Variants in FOXD1 observed in about 807,000 individuals in gnomAD.
The protein encoded by FOXD1 is forkhead box protein D1.
FOXD1 carries 4 observed loss-of-function variants against 2.0 expected under a neutral mutation model. That is an observed-to-expected ratio of 2.03 (90% CI 1.00 to 4.64). The LOEUF (loss-of-function observed/expected upper bound fraction) is 4.64. Ranked by LOEUF, FOXD1 falls within the 30% of genes most tolerant of loss-of-function variation. The pLI, the probability that FOXD1 is intolerant of heterozygous loss-of-function variation, is 0.01. For synonymous variants in FOXD1, 354 were observed against 328.5 expected (o/e 1.08, Z -0.84); for missense variants, 586 against 647.6 (o/e 0.90, Z 1.03).
Position 73,448,168 on chromosome 5 carries a change from C to G in FOXD1, c.195G>C (p.Leu65=). The G allele has an allele frequency of 6.9e-7, 1 of 1,439,930 alleles. No individual in the cohort carries two copies. Among genetic ancestry groups the G allele is most frequent in the South Asian group, 1.3e-5 (1 of 74,370 alleles). 89.2% of individuals were successfully genotyped at this position (1,439,930 alleles called of 1,614,324 possible). ...CGTCCTCCTCCTCCTCCAGATCCTC[C>G]AGCTCGTCCTCCCCGGCGTACGAGC... ...RRRSYAGEDE[L]EDLEEEEDDD... is the part of the protein sequence containing the mutation. The change falls in exon 1 of 1, where the codon CTG becomes CTC. Residue 65 remains leucine (L), a synonymous_variant. Coordinates refer to ENST00000615637, the MANE Select transcript of FOXD1 (RefSeq NM_004472.3).
Position 73,447,583 on chromosome 5 carries a change from G to C in FOXD1, c.780C>G (p.Pro260=), listed in dbSNP as rs577229690. 46 of 1,131,866 alleles carry C rather than the reference G, an allele frequency of 4.1e-5. 1 individual carries two copies. The Admixed American group carries it at 8.5e-4, about 21-fold the overall frequency. 70.1% of individuals were successfully genotyped at this position (1,131,866 alleles called of 1,614,324 possible). A position where few individuals can be genotyped will look rare whatever the true frequency, so the allele number is the denominator to read the frequency against. ...AGGCATGCGGGGGCGGCGGGGGCGCGGGCGGGAAGAGCGCGGCGGCGGCTG... is the reference window on the plus strand; with the variant it reads ...AGGCATGCGGGGGCGGCGGGGGCGCCGGCGGGAAGAGCGCGGCGGCGGCTG... ...DPAAAAALFP[P]APPPPPHAYG... The change falls in exon 1 of 1, where the codon CCC becomes CCG. Residue 260 remains proline (P), a synonymous_variant. Transcript: ENST00000615637. This position sits in a 1 kb window ranked among gnomAD's most constrained non-coding sequence, Gnocchi z 7.8.
rs780753922 is a variant in FOXD1, at chr5:73,448,031, C to A, written c.332G>T (p.Gly111Val). ...GGCGCCGCTACCCGCGCTCCCGCCGCCGCCCGCGCCGCCGCCGCCGCCGCC... is the reference window on the plus strand; with the variant it reads ...GGCGCCGCTACCCGCGCTCCCGCCGACGCCCGCGCCGCCGCCGCCGCCGCC... ...GGGGGGGGAG[G>V]GGSAGSGAKN... is the part of the protein sequence containing the mutation. The change falls in exon 1 of 1, where the codon GGC (glycine) becomes GTC (valine). Residue 111 changes from glycine (G) to valine (V), a missense_variant. Around this residue, in one of 4 missense-constraint regions of FOXD1, gnomAD observed 104 missense variants for 175.4 expected, o/e 0.59. Coordinates refer to ENST00000615637, the MANE Select transcript of FOXD1 (RefSeq NM_004472.3). 3.1e-6 allele frequency: 4 copies of A among 1,304,556 alleles called. No individual in the cohort carries two copies. The South Asian group carries it at 6.8e-5, about 22-fold the overall frequency. The allele number at this position is 1,304,556 out of a possible 1,614,324, so 80.8% of individuals were successfully genotyped here.
rs1745506903 is a variant in FOXD1 at position 73,446,876 on chromosome 5, T to C, written c.*89A>G. 11 of 1,179,284 alleles carry C rather than the reference T, an allele frequency of 9.3e-6. No individual in the cohort carries two copies. The South Asian group carries it at 1.4e-4, about 15-fold the overall frequency. The allele number at this position is 1,179,284 out of a possible 1,614,324, so 73.1% of individuals were successfully genotyped here. A position where few individuals can be genotyped will look rare whatever the true frequency, so the allele number is the denominator to read the frequency against. On this transcript the variant is annotated 3_prime_UTR_variant, in exon 1 of 1. Coordinates refer to ENST00000615637, the MANE Select transcript of FOXD1 (RefSeq NM_004472.3). Reference sequence around the variant, plus strand: ...GCGCGAGGTCGAGAGGGGCCGCGCCTGGAGGAGCGAACAAAACACCGAACC... The same window carrying C: ...GCGCGAGGTCGAGAGGGGCCGCGCCCGGAGGAGCGAACAAAACACCGAACC...
chr5:73,447,481 G>A lies in FOXD1; in HGVS notation c.882C>T (p.Ala294=), dbSNP rs1256076027. 6 of 1,000,758 alleles carry A rather than the reference G, an allele frequency of 6.0e-6. No homozygotes were observed. The highest frequency in any genetic ancestry group is 7.1e-6 in the Non-Finnish European group (6 of 842,562). The allele number at this position is 1,000,758 out of a possible 1,614,324, so 62.0% of individuals were successfully genotyped here. A position where few individuals can be genotyped will look rare whatever the true frequency, so the allele number is the denominator to read the frequency against. Residue 294 remains alanine, a synonymous_variant, in exon 1 of 1, where the codon GCC becomes GCT. Coordinates refer to ENST00000615637, the MANE Select transcript of FOXD1 (RefSeq NM_004472.3). This position sits in a 1 kb window ranked among gnomAD's most constrained non-coding sequence, Gnocchi z 7.8. Reference sequence around the variant, plus strand: ...CGGCGGCGGCGGCGGCGGCCGCTGCGGCGGCGAAGAGGGCCGAGGGCGGCG... The same window carrying A: ...CGGCGGCGGCGGCGGCGGCCGCTGCAGCGGCGAAGAGGGCCGAGGGCGGCG... ...PYAPPSALFA[A]AAAAAAAAAF... is the part of the protein sequence containing the mutation.
At position 73,447,682 on chromosome 5, in the gene FOXD1, G is replaced by A; in HGVS notation, c.681C>T (p.Leu227=). Residue 227 remains leucine (L), a synonymous_variant, in exon 1 of 1, where the codon CTC becomes CTT. Coordinates refer to ENST00000615637, the MANE Select transcript of FOXD1 (RefSeq NM_004472.3). The surrounding 1 kb of genome is among the most constrained non-coding windows in gnomAD (Gnocchi z 7.8). ...ACTCGGCGGCCGCGGCGTTGGGTGGGAGCAGCGGCTGCCGCTTGAAGCGCT... is the reference window on the plus strand; with the variant it reads ...ACTCGGCGGCCGCGGCGTTGGGTGGAAGCAGCGGCTGCCGCTTGAAGCGCT... The part of the protein sequence containing the change: ...RRKRFKRQPL[L]PPNAAAAESL... 1 of 1,602,274 alleles carries A rather than the reference G, an allele frequency of 6.2e-7. No homozygotes were observed. Among genetic ancestry groups the A allele is most frequent in the Non-Finnish European group, 8.5e-7 (1 of 1,175,368 alleles).
Position 73,447,891 on chromosome 5 carries a change from G to A in FOXD1, c.472C>T (p.Arg158Cys). Residue 158 changes from arginine (R) to cysteine (C), a missense_variant, in exon 1 of 1, where the codon CGC becomes TGC. Coordinates refer to ENST00000615637, the MANE Select transcript of FOXD1 (RefSeq NM_004472.3). This position sits in a 1 kb window ranked among gnomAD's most constrained non-coding sequence, Gnocchi z 7.8. Reference sequence around the variant, plus strand: ...AACTTCTCCCGGTAGTAGGGGAAGCGGCCGCTGATGAACTCACAGATCTCG... The same window carrying A: ...AACTTCTCCCGGTAGTAGGGGAAGCAGCCGCTGATGAACTCACAGATCTCG... Reference protein sequence around the residue: ...LSEICEFISGRFPYYREKFPA... With the variant: ...LSEICEFISGCFPYYREKFPA... 6.2e-7 allele frequency: 1 copy of A among 1,611,648 alleles called. No individual in the cohort carries two copies. The highest frequency in any genetic ancestry group is 1.1e-5 in the South Asian group (1 of 90,890).
rs1238530668 is a variant in FOXD1 at position 73,447,060 on chromosome 5, A to C, written c.1303T>G (p.Ser435Ala). Residue 435 changes from serine (S) to alanine (A), a missense_variant, in exon 1 of 1, where the codon TCC becomes GCC. This residue lies in a region of FOXD1 where 46 missense variants were observed against 78.6 expected (regional missense o/e 0.58). Coordinates refer to ENST00000615637, the MANE Select transcript of FOXD1 (RefSeq NM_004472.3). The surrounding 1 kb of genome is among the most constrained non-coding windows in gnomAD (Gnocchi z 7.8). ...SLVAAAAAAA[S>A]SVSSSAALGT... ...AAGGCGGCGGACGAGGAGACTGAGG[A>C]GGCGGCGGCGGCCGCGGCGGCCACG... is the stretch of plus-strand genomic sequence containing the variant. 60 of 1,516,580 alleles carry C rather than the reference A, an allele frequency of 4.0e-5. No homozygotes were observed. The highest frequency in any genetic ancestry group is 7.2e-5 in the African/African-American group (5 of 69,580). 93.9% of individuals were successfully genotyped at this position (1,516,580 alleles called of 1,614,324 possible). A position where few individuals can be genotyped will look rare whatever the true frequency, so the allele number is the denominator to read the frequency against.
chr5:73,447,531 A>G lies in FOXD1; in HGVS notation c.832T>C (p.Tyr278His). Residue 278 changes from tyrosine (Y) to histidine (H), a missense_variant, in exon 1 of 1, where the codon TAC becomes CAC. Physicochemically the swap from Tyr to His is moderately conservative, Grantham distance 83. Around this residue, in one of 4 missense-constraint regions of FOXD1, gnomAD observed 253 missense variants for 234.4 expected, o/e 1.08. Transcript: ENST00000615637. This position sits in a 1 kb window ranked among gnomAD's most constrained non-coding sequence, Gnocchi z 7.8. ...GCGTAAGGCGGCAGCTGCAGGCCGTAGCCGCAGCCGTAGGGGCCGTAGCCG... is the reference window on the plus strand; with the variant it reads ...GCGTAAGGCGGCAGCTGCAGGCCGTGGCCGCAGCCGTAGGGGCCGTAGCCG... The part of the protein sequence containing the change: ...AYGYGPYGCG[Y>H]GLQLPPYAPP... 2 of 1,032,622 alleles carry G rather than the reference A, an allele frequency of 1.9e-6. No individual in the cohort carries two copies. The highest frequency in any genetic ancestry group is 9.3e-5 in the East Asian group (1 of 10,758). The allele number at this position is 1,032,622 out of a possible 1,614,324, so 64.0% of individuals were successfully genotyped here.
At position 73,448,114 on chromosome 5, in the gene FOXD1, A is replaced by C; in HGVS notation, c.249T>G (p.Ala83=). The part of the protein sequence containing the change: ...DDDDILLAPP[A]GGSPAPPGPA... ...GGCCCGGGGGCGCCGGGGAGCCCCC[A>C]GCAGGCGGGGCCAGCAGGATGTCAT... The change falls in exon 1 of 1, where the codon GCT becomes GCG. Residue 83 remains alanine, a synonymous_variant. Transcript: ENST00000615637. 8.1e-7 allele frequency: 1 copy of C among 1,240,420 alleles called. No homozygotes were observed. The highest frequency in any genetic ancestry group is 1.0e-6 in the Non-Finnish European group (1 of 985,712). 76.8% of individuals were successfully genotyped at this position (1,240,420 alleles called of 1,614,324 possible).
chr5:73,447,597 C>T lies in FOXD1; in HGVS notation c.766G>A (p.Ala256Thr), dbSNP rs982994878. Residue 256 changes from alanine (A) to threonine (T), a missense_variant, in exon 1 of 1, where the codon GCG becomes ACG. Ala to Thr is a moderately conservative substitution (Grantham distance 58). This residue lies in a region of FOXD1 where 253 missense variants were observed against 234.4 expected (regional missense o/e 1.08). Transcript: ENST00000615637. This position sits in a 1 kb window ranked among gnomAD's most constrained non-coding sequence, Gnocchi z 7.8. ...GGCGGGGGCGCGGGCGGGAAGAGCG[C>T]GGCGGCGGCTGCCGGGTCGCCCGCG... ...GGAGDPAAAA[A>T]LFPPAPPPPP... 2.5e-6 allele frequency: 3 copies of T among 1,185,380 alleles called. No individual in the cohort carries two copies. The highest frequency in any genetic ancestry group is 3.1e-6 in the Non-Finnish European group (3 of 953,218). 73.4% of individuals were successfully genotyped at this position (1,185,380 alleles called of 1,614,324 possible). A position where few individuals can be genotyped will look rare whatever the true frequency, so the allele number is the denominator to read the frequency against.
chr5:73,446,910 G>C lies in FOXD1; in HGVS notation c.*55C>G. 7 of 1,435,416 alleles carry C rather than the reference G, an allele frequency of 4.9e-6. No individual in the cohort carries two copies. The South Asian group carries it at 8.5e-5, about 18-fold the overall frequency. 88.9% of individuals were successfully genotyped at this position (1,435,416 alleles called of 1,614,324 possible). Reference sequence around the variant, plus strand: ...GAACAAAACACCGAACCACCAAGACGAGAAAAGGAGCCGGGATTCCTACCT... The same window carrying C: ...GAACAAAACACCGAACCACCAAGACCAGAAAAGGAGCCGGGATTCCTACCT... On this transcript the variant is annotated 3_prime_UTR_variant, in exon 1 of 1. Coordinates refer to ENST00000615637, the MANE Select transcript of FOXD1 (RefSeq NM_004472.3).
Position 73,448,063 on chromosome 5 carries a change from G to A in FOXD1, c.300C>T (p.Ala100=), listed in dbSNP as rs1360415438. 1.2e-5 allele frequency: 14 copies of A among 1,189,270 alleles called. No homozygotes were observed. The highest frequency in any genetic ancestry group is 4.8e-5 in the Admixed American group (1 of 20,898). The allele number at this position is 1,189,270 out of a possible 1,614,324, so 73.7% of individuals were successfully genotyped here. Reference sequence around the variant, plus strand: ...CGCCGCCGCCGCCGCCGCCCCCACCGGCTCCTGCCCCCGCCGCCGGGGCCG... The same window carrying A: ...CGCCGCCGCCGCCGCCGCCCCCACCAGCTCCTGCCCCCGCCGCCGGGGCCG... ...PGPAPAAGAG[A]GGGGGGGGAG... Residue 100 remains alanine (A), a synonymous_variant, in exon 1 of 1, where the codon GCC becomes GCT. Coordinates refer to ENST00000615637, the MANE Select transcript of FOXD1 (RefSeq NM_004472.3).
chr5:73,447,929 C>T lies in FOXD1; in HGVS notation c.434G>A (p.Arg145Gln). 2 of 1,610,114 alleles carry T rather than the reference C, an allele frequency of 1.2e-6. No homozygotes were observed. Among genetic ancestry groups the T allele is most frequent in the Non-Finnish European group, 1.7e-6 (2 of 1,178,128 alleles). The change falls in exon 1 of 1, where the codon CGG becomes CAG. Residue 145 changes from arginine to glutamine, a missense_variant. Arg to Gln is a conservative substitution (Grantham distance 43). This residue lies in a region of FOXD1 where 104 missense variants were observed against 175.4 expected (regional missense o/e 0.59). Coordinates refer to ENST00000615637, the MANE Select transcript of FOXD1 (RefSeq NM_004472.3). The surrounding 1 kb of genome is among the most constrained non-coding windows in gnomAD (Gnocchi z 7.8). ...TMAILQSPKK[R>Q]LTLSEICEFI... ...CTCACAGATCTCGCTCAGCGTCAGC[C>T]GCTTCTTGGGGCTCTGCAGGATGGC...
Position 73,448,093 on chromosome 5 carries a change from CG to C in FOXD1, c.269del (p.Pro90ArgfsTer35). 2 of 1,148,392 alleles carry C rather than the reference CG, an allele frequency of 1.7e-6. No homozygotes were observed. Among genetic ancestry groups the C allele is most frequent in the South Asian group, 3.4e-5 (1 of 29,754 alleles). 71.1% of individuals were successfully genotyped at this position (1,148,392 alleles called of 1,614,324 possible). A position where few individuals can be genotyped will look rare whatever the true frequency, so the allele number is the denominator to read the frequency against. On this transcript the variant is annotated frameshift_variant, in exon 1 of 1. Coordinates refer to ENST00000615637, the MANE Select transcript of FOXD1 (RefSeq NM_004472.3). LOFTEE classifies it low-confidence loss of function (END_TRUNC). ...CTGCCCCCGCCGCCGGGGCCGGGCC[CG>C]GGGGCGCCGGGGAGCCCCCAGCAGG... is the stretch of plus-strand genomic sequence containing the variant. ...APPAGGSPAP[P>X]GPAPAAGAGA...
At position 73,447,823 on chromosome 5, in the gene FOXD1, G is replaced by A. The variant is rs1446156904; in HGVS notation, c.540C>T (p.Asn180=). 1.2e-6 allele frequency: 2 copies of A among 1,611,250 alleles called. No homozygotes were observed. Among genetic ancestry groups the A allele is most frequent in the South Asian group, 1.1e-5 (1 of 90,950 alleles). ...CGCGGGGGATCTTGACGAAGCAGTC[G>A]TTGAGCGAGAGGTTGTGGCGGATGC... ...QNSIRHNLSL[N]DCFVKIPREP... Residue 180 remains asparagine (N), a synonymous_variant, in exon 1 of 1, where the codon AAC becomes AAT. Transcript: ENST00000615637. This position sits in a 1 kb window ranked among gnomAD's most constrained non-coding sequence, Gnocchi z 7.8.
chr5:73,447,145 G>A lies in FOXD1; in HGVS notation c.1218C>T (p.Ser406=). 1 of 1,161,246 alleles carries A rather than the reference G, an allele frequency of 8.6e-7. No individual in the cohort carries two copies. Among genetic ancestry groups the A allele is most frequent in the Non-Finnish European group, 1.1e-6 (1 of 941,274 alleles). 71.9% of individuals were successfully genotyped at this position (1,161,246 alleles called of 1,614,324 possible). A position where few individuals can be genotyped will look rare whatever the true frequency, so the allele number is the denominator to read the frequency against. The change falls in exon 1 of 1, where the codon AGC becomes AGT. Residue 406 remains serine (S), a synonymous_variant. Transcript: ENST00000615637. The surrounding 1 kb of genome is among the most constrained non-coding windows in gnomAD (Gnocchi z 7.8). Reference sequence around the variant, plus strand: ...CCGCCTGCGCCGCGCAGCCTCCTCCGCTGGATCCGGGAGCTGGCGGCGCCG... The same window carrying A: ...CCGCCTGCGCCGCGCAGCCTCCTCCACTGGATCCGGGAGCTGGCGGCGCCG... ...PVAAPPAPGS[S]GGGCAAQAAV...
chr5:73,447,092 C>A lies in FOXD1; in HGVS notation c.1271G>T (p.Arg424Leu). ...GGCGGCCGCGGCGGCCACGAGGGAT[C>A]GGGTGAGCGCGGCCGCCGGGCCCAC... ...AAVGPAAALT[R>L]SLVAAAAAAA... The change falls in exon 1 of 1, where the codon CGA (arginine) becomes CTA (leucine). Residue 424 changes from arginine to leucine, a missense_variant. Around this residue, in one of 4 missense-constraint regions of FOXD1, gnomAD observed 46 missense variants for 78.6 expected, o/e 0.58. Coordinates refer to ENST00000615637, the MANE Select transcript of FOXD1 (RefSeq NM_004472.3). This position sits in a 1 kb window ranked among gnomAD's most constrained non-coding sequence, Gnocchi z 7.8. The A allele has an allele frequency of 7.4e-7, 1 of 1,359,540 alleles. No individual in the cohort carries two copies. Among genetic ancestry groups the A allele is most frequent in the South Asian group, 1.7e-5 (1 of 59,460 alleles). The allele number at this position is 1,359,540 out of a possible 1,614,324, so 84.2% of individuals were successfully genotyped here.
In FOXD1 at chr5:73,446,956, ATAG is replaced by A; in HGVS notation, c.*6_*8del. The A allele has an allele frequency of 1.3e-6, 2 of 1,539,926 alleles. No individual in the cohort carries two copies. Among genetic ancestry groups the A allele is most frequent in the Non-Finnish European group, 1.8e-6 (2 of 1,139,722 alleles). On this transcript the variant is annotated 3_prime_UTR_variant, in exon 1 of 1. Transcript: ENST00000615637. ...TACCTTCTTCCTCGAGCGCGCTAAC[ATAG>A]CGTTATTAACAATTGGAAATCCTAG...
Position 73,447,630 on chromosome 5 carries a change from C to A in FOXD1, c.733G>T (p.Ala245Ser), listed in dbSNP as rs761481338. 13 of 1,381,276 alleles carry A rather than the reference C, an allele frequency of 9.4e-6. No homozygotes were observed. Among genetic ancestry groups the A allele is most frequent in the African/African-American group, 7.6e-5 (5 of 65,396 alleles). The allele number at this position is 1,381,276 out of a possible 1,614,324, so 85.6% of individuals were successfully genotyped here. A position where few individuals can be genotyped will look rare whatever the true frequency, so the allele number is the denominator to read the frequency against. ...GCTGCCGGGTCGCCCGCGCCCCCTG[C>A]GGCTCCCGCGCCGCGCAGCAGCAGA... The part of the protein sequence containing the change: ...ESLLLRGAGA[A>S]GGAGDPAAAA... Residue 245 changes from alanine (A) to serine (S), a missense_variant, in exon 1 of 1, where the codon GCA (alanine) becomes TCA (serine). Around this residue, in one of 4 missense-constraint regions of FOXD1, gnomAD observed 253 missense variants for 234.4 expected, o/e 1.08. Coordinates refer to ENST00000615637, the MANE Select transcript of FOXD1 (RefSeq NM_004472.3). This position sits in a 1 kb window ranked among gnomAD's most constrained non-coding sequence, Gnocchi z 7.8.
Sources: gnomAD v4.1 joint callset for allele counts on GRCh38, gnomAD v4.1.1 for gene constraint, gnomAD v4.1.1 regional missense constraint, Gnocchi (gnomAD v3.1) non-coding constraint, MANE v1.5 for transcripts, NCBI Gene and HGNC (gene_info 2026-07-23, HGNC 2026-07-21) for gene names.